PLXNC1: variants seen among roughly 807,000 people sequenced by gnomAD.
PLXNC1 encodes plexin-C1.
A neutral mutation model predicts 178.2 loss-of-function variants in PLXNC1; 75 were observed. The ratio of observed to expected loss-of-function variants is 0.42; its 90% confidence interval spans 0.35 to 0.51. The LOEUF is 0.51. Among genes scored for constraint, PLXNC1 ranks in the 20% least tolerant of loss-of-function variants. The pLI, the probability that PLXNC1 is intolerant of heterozygous loss-of-function variation, is 0.02. For synonymous variants in PLXNC1, 790 were observed against 779.9 expected, an observed-to-expected ratio of 1.01 and a Z score of -0.22; for missense variants, 1,503 against 1,984.4, an observed-to-expected ratio of 0.76 and a Z score of 4.61.
At chr12:94,211,943 T>C (rs559768606) in intron 5 of PLXNC1, among the ~76,000 whole-genome samples, 2 of 152,234 alleles carry the variant, frequency 1.3e-5, no homozygotes, top group African/African-American at 4.8e-5. Flanking sequence ...GTGGAATGAC[T>C]GATGTGGTGG....
chr12:94,278,724 A>C (rs1255844406), intron 21 of PLXNC1, among the ~76,000 whole-genome samples: 1 of 152,158 alleles, frequency 6.6e-6, no homozygotes, highest in East Asian at 1.9e-4. Context: ...TGGGCCGGGC[A>C]CAGTGGCTCA....
chr12:94,224,065 A>G (rs1040127029), intron 6 of PLXNC1, among the ~76,000 whole-genome samples, 163 bp from the exon 7 acceptor site: 1 of 152,196 alleles, frequency 6.6e-6, no homozygotes, highest in African/African-American at 2.4e-5. Flanking sequence ...CGAATGGCCT[A>G]TGGGGAAGGA....
Position 94,241,661 on chromosome 12 carries a change from G to A in PLXNC1, c.2300+997G>A, listed in dbSNP as rs545992748. Among the ~76,000 whole-genome samples the A allele has an allele frequency of 3.3e-5, 5 of 152,256 alleles. No individual in the cohort carries two copies. In the East Asian group the frequency reaches 9.6e-4, roughly 29 times the overall value. ...ATTTCACTTAACATAATGTCCTGCA[G>A]TTCCATCTGTGTTGTTGCAAATGAC... On this transcript the variant is annotated intron_variant, in intron 11 of 30. Transcript: ENST00000258526.
chr12:94,267,405 ACT>A (rs141030758), intron 21 of PLXNC1, among the ~76,000 whole-genome samples: 3,182 of 152,258 alleles, frequency 0.021, 32 homozygotes, highest in Middle Eastern at 0.044. Context: ...ATTTGTTAAC[ACT>A]CGACTCATCA....
intron 1 of PLXNC1, 84 bp downstream of exon 1, chr12:94,150,117 A>C: frequency 5.3e-6 from 6 of 1,142,194 alleles, no homozygotes; most frequent in Admixed American, 3.2e-5. Context: ...GCTGGGGGCG[A>C]GCGGCGGGGC....
chr12:94,288,773 A>C (rs1171304177), intron 23 of PLXNC1, among the ~76,000 whole-genome samples: 1 of 152,246 alleles, frequency 6.6e-6, no homozygotes, highest in Non-Finnish European at 1.5e-5. Context: ...TGACGGAGGG[A>C]GAGCAATATT....
intron 2 of PLXNC1, among the ~76,000 whole-genome samples, chr12:94,174,253 C>T (rs759917278): frequency 1.3e-5 from 2 of 151,900 alleles, no homozygotes; most frequent in Non-Finnish European, 2.9e-5. Context: ...GGTGCAGTCT[C>T]GGCTCACTAC....
intron 2 of PLXNC1, among the ~76,000 whole-genome samples, chr12:94,177,179 A>ACG (rs1565794324): frequency 3.2e-4 from 10 of 31,556 alleles, no homozygotes; most frequent in South Asian, 2.8e-3. Flanking sequence ...ATATATACGT[A>ACG]TATATATGTA....
rs114145487 is a variant in PLXNC1 at position 94,169,064 on chromosome 12, A to C, written c.1063-89A>C. 1.9e-3 allele frequency: 2,317 copies of C among 1,195,702 alleles called. 45 individuals carry two copies. The African/African-American group carries it at 0.032, about 16-fold the overall frequency. 74.1% of individuals were successfully genotyped at this position (1,195,702 alleles called of 1,614,324 possible). ...GCCCAGAAGTGAGATCCTGCCTAGG[A>C]GGGCATGAGTGACATTTCATCAGTA... On this transcript the variant is annotated intron_variant, in intron 1 of 30. Coordinates refer to ENST00000258526, the MANE Select transcript of PLXNC1 (RefSeq NM_005761.3).
At chr12:94,258,692 GC>G (rs1317931821) in intron 17 of PLXNC1, among the ~76,000 whole-genome samples, 1 of 152,174 alleles carries the variant, frequency 6.6e-6, no homozygotes, top group Non-Finnish European at 1.5e-5. Flanking sequence ...CTGACACAGG[GC>G]ACTTACTCTG....
At chr12:94,215,556 T>TGATA (rs3032367) in intron 5 of PLXNC1, among the ~76,000 whole-genome samples, 40,795 of 149,150 alleles carry the variant, frequency 0.27, 5,729 homozygotes, top group South Asian at 0.34. Flanking sequence ...CAAACATAGA[T>TGATA]GATAGATAGA....
At chr12:94,152,059 T>C (rs1330030957) in intron 1 of PLXNC1, among the ~76,000 whole-genome samples, 1 of 152,236 alleles carries the variant, frequency 6.6e-6, no homozygotes, top group Non-Finnish European at 1.5e-5. Flanking sequence ...GAACTCCCAG[T>C]GTGCTCAGAG....
At chr12:94,204,786 T>C (rs1039690659) in intron 4 of PLXNC1, among the ~76,000 whole-genome samples, 1 of 152,256 alleles carries the variant, frequency 6.6e-6, no homozygotes, top group Non-Finnish European at 1.5e-5. Flanking sequence ...GACCTTGGGT[T>C]GCTCTTATAG....
At chr12:94,177,147 G>A (rs1331403938) in intron 2 of PLXNC1, among the ~76,000 whole-genome samples, 1 of 78,788 alleles carries the variant, frequency 1.3e-5, no homozygotes, top group African/African-American at 7.1e-5. Flanking sequence ...ATGTGTGTGT[G>A]TGTATATATA....
rs115622186 is a variant in PLXNC1, at chr12:94,199,933, T to G, written c.1440-9657T>G. ...AGCCTCCTGAGAAGCTGGGACTGAC[T>G]ACAGGCGCGTGCCACCATGCTCGCC... On this transcript the variant is annotated intron_variant, in intron 4 of 30. Coordinates refer to ENST00000258526, the MANE Select transcript of PLXNC1 (RefSeq NM_005761.3). 4.3e-3 allele frequency among the ~76,000 whole-genome samples: 662 copies of G among 152,276 alleles called. 6 individuals are homozygous for G. Among genetic ancestry groups the G allele is most frequent in the African/African-American group, 0.015 (631 of 41,562 alleles).
At chr12:94,293,011 CTT>C (rs530957392) in intron 23 of PLXNC1, among the ~76,000 whole-genome samples, 144 of 152,268 alleles carry the variant, frequency 9.5e-4, no homozygotes, top group African/African-American at 3.4e-3. Context: ...CCGCTGCTCT[CTT>C]CTCCAAATAT....
At chr12:94,214,770 T>C (rs1301088573) in intron 5 of PLXNC1, among the ~76,000 whole-genome samples, 3 of 152,264 alleles carry the variant, frequency 2.0e-5, no homozygotes, top group Admixed American at 6.5e-5. Flanking sequence ...ATATCCTGCA[T>C]TAAAACCATT....
At chr12:94,235,960 G>A (rs1032643351) in intron 9 of PLXNC1, among the ~76,000 whole-genome samples, 9 of 152,082 alleles carry the variant, frequency 5.9e-5, no homozygotes, top group Admixed American at 2.0e-4. Context: ...TGTTCTCTTA[G>A]CTGTCACCAC....
Position 94,149,436 on chromosome 12 carries a change from G to C in PLXNC1, c.465G>C (p.Ser155=), listed in dbSNP as rs1291682897. 6.9e-6 allele frequency: 10 copies of C among 1,457,964 alleles called. No homozygotes were observed. Among genetic ancestry groups the C allele is most frequent in the Non-Finnish European group, 9.0e-6 (10 of 1,113,984 alleles). The allele number at this position is 1,457,964 out of a possible 1,614,324, so 90.3% of individuals were successfully genotyped here. ...NSLRNGTEVV[S]CHPQGSTAGV... is the part of the protein sequence containing the mutation. ...TGCGCAACGGCACCGAGGTGGTGTC[G>C]TGCCACCCGCAGGGCTCGACGGCCG... The change falls in exon 1 of 31, where the codon TCG becomes TCC. Residue 155 remains serine, a synonymous_variant. Transcript: ENST00000258526.
Sources: gnomAD v4.1 joint callset for allele counts (sites outside exome capture counted in the v4.1 genomes callset) on GRCh38, gnomAD v4.1.1 for gene constraint, MANE v1.5 for transcripts, NCBI Gene and HGNC (gene_info 2026-07-23, HGNC 2026-07-21) for gene names.